KDM2B: variants seen among roughly 807,000 people sequenced by gnomAD.
KDM2B encodes the protein lysine demethylase 2B, also known as lysine-specific demethylase 2B.
In KDM2B, 26 loss-of-function variants were observed where a neutral mutation model predicts 150.0. That is an observed-to-expected ratio of 0.17 (90% CI 0.13 to 0.24). The LOEUF (loss-of-function observed/expected upper bound fraction) is 0.24. Ranked by LOEUF, KDM2B falls within the 10% of genes least tolerant of loss-of-function variation. KDM2B has a pLI of 1.00. For missense variants in KDM2B, 1,265 were observed against 1,816.9 expected (o/e 0.70, Z 5.52); for synonymous variants, 734 against 729.5 (o/e 1.01, Z -0.10).
At chr12:121,415,447 C>G in the KDM2B span, 3 of 188,354 alleles carry the variant, frequency 1.6e-5, no homozygotes, top group South Asian at 9.0e-5. Context: ...ATGGTGAAAC[C>G]CAATCTCTAC....
intron 10 of KDM2B, among the ~76,000 whole-genome samples, chr12:121,511,567 T>C (rs920199156): frequency 5.3e-5 from 8 of 152,154 alleles, no homozygotes; most frequent in Non-Finnish European, 1.2e-4. Flanking sequence ...ATTACAGGCG[T>C]GAGCCATCGC....
intron 6 of KDM2B, among the ~76,000 whole-genome samples, 172 bp downstream of exon 6, chr12:121,548,705 C>T (rs1276440250): frequency 1.3e-5 from 2 of 152,194 alleles, no homozygotes; most frequent in African/African-American, 2.4e-5. Context: ...CGAAGGACCC[C>T]GTCCCTCCTG....
intron 6 of KDM2B, among the ~76,000 whole-genome samples, chr12:121,544,614 C>T (rs535898081): frequency 6.8e-6 from 1 of 146,814 alleles, no homozygotes; most frequent in Admixed American, 6.8e-5. Context: ...CGTCCCCCCC[C>T]AAAAAAAGAA....
chr12:121,451,386 A>AG (rs1336347265), intron 13 of KDM2B, among the ~76,000 whole-genome samples: 63 of 152,338 alleles, frequency 4.1e-4, no homozygotes, highest in African/African-American at 1.5e-3. Flanking sequence ...GGTCAACAAT[A>AG]GGGCTAACAG....
At chr12:121,532,419 T>C (rs1208705675) in intron 8 of KDM2B, among the ~76,000 whole-genome samples, 3 of 152,078 alleles carry the variant, frequency 2.0e-5, no homozygotes, top group African/African-American at 7.2e-5. Flanking sequence ...CACGAAGAAG[T>C]GAAGTCACAG....
intron 11 of KDM2B, among the ~76,000 whole-genome samples, chr12:121,505,658 C>T (rs891389058): frequency 1.3e-5 from 2 of 152,142 alleles, no homozygotes; most frequent in Non-Finnish European, 2.9e-5. Flanking sequence ...CACCAGGGCA[C>T]TAGTTACCCT....
At chr12:121,490,089 CTG>C (rs1883192278) in intron 12 of KDM2B, among the ~76,000 whole-genome samples, 1 of 152,210 alleles carries the variant, frequency 6.6e-6, no homozygotes, top group Admixed American at 6.5e-5. Flanking sequence ...CAGGGAAAGG[CTG>C]TGTGTCACTC....
chr12:121,532,735 C>T (rs1887770379), intron 8 of KDM2B, 71 bp downstream of exon 8: 1 of 1,539,010 alleles, frequency 6.5e-7, no homozygotes, highest in African/African-American at 1.4e-5. Context: ...GAGCAACCCT[C>T]AGGGGGCCTA....
chr12:121,546,220 C>T (rs191874552), intron 6 of KDM2B, among the ~76,000 whole-genome samples: 22 of 152,248 alleles, frequency 1.4e-4, no homozygotes, highest in South Asian at 4.2e-4. Context: ...AAGACATAGG[C>T]GCTGAATGAA....
At chr12:121,565,272 C>A (rs1054610764) in intron 4 of KDM2B, among the ~76,000 whole-genome samples, 4 of 152,018 alleles carry the variant, frequency 2.6e-5, no homozygotes, top group Non-Finnish European at 5.9e-5. Context: ...AATGGAGTCA[C>A]CTCATTTATG....
At chr12:121,432,588 G>A (rs557293213) in intron 22 of KDM2B, among the ~76,000 whole-genome samples, 8 of 152,268 alleles carry the variant, frequency 5.3e-5, no homozygotes, top group Admixed American at 1.3e-4. Flanking sequence ...TCTTAAAGGT[G>A]TCATTTAGCT....
At chr12:121,443,617 TG>T in intron 17 of KDM2B, 62 bp downstream of exon 17, 3 of 922,706 alleles carry the variant, frequency 3.3e-6, no homozygotes, top group Non-Finnish European at 1.8e-6. Flanking sequence ...CGGGGTGGGG[TG>T]GGGGACAGCC....
chr12:121,487,189 G>A (rs902426909), intron 12 of KDM2B, among the ~76,000 whole-genome samples: 6 of 152,006 alleles, frequency 3.9e-5, no homozygotes, highest in South Asian at 2.1e-4. Flanking sequence ...AAGAAAGAAC[G>A]AAAGAACTGG....
In KDM2B at chr12:121,537,216, CGACAGG is replaced by C. The variant is rs1888202433; in HGVS notation, c.684-2632_684-2627del. On this transcript the variant is annotated intron_variant, in intron 6 of 22. Transcript: ENST00000377071. The surrounding 1 kb of genome is among the most constrained non-coding windows in gnomAD (Gnocchi z 8.7). ...GCGCGGCTTTGTCCGGCCCCTGCAG[CGACAGG>C]CCACCCCCGCTCCCGCCCCGCGCTG... The C allele has an allele frequency of 6.6e-6, 1 of 152,664 alleles. No individual in the cohort carries two copies. Among genetic ancestry groups the C allele is most frequent in the Non-Finnish European group, 1.5e-5 (1 of 68,418 alleles). The allele number at this position is 152,664 out of a possible 1,614,324, so 9.5% of individuals were successfully genotyped here.
the KDM2B span, among the ~76,000 whole-genome samples, chr12:121,409,233 G>C: frequency 2.6e-5 from 4 of 152,154 alleles, no homozygotes; most frequent in African/African-American, 4.8e-5. Flanking sequence ...GCTGGCCTCG[G>C]CCTCCCAAAC....
chr12:121,534,033 C>A (rs1555308273), intron 7 of KDM2B, among the ~76,000 whole-genome samples: 3 of 152,040 alleles, frequency 2.0e-5, no homozygotes, highest in Non-Finnish European at 4.4e-5. Flanking sequence ...GAGCAAGACC[C>A]TATCTCTTAA....
chr12:121,425,195 C>T (rs1160331037), downstream of KDM2B, among the ~76,000 whole-genome samples: 1 of 151,568 alleles, frequency 6.6e-6, no homozygotes, highest in Non-Finnish European at 1.5e-5. Context: ...GTAATCCCAA[C>T]TACTCAGGAG....
chr12:121,427,589 G>GAAGT (rs1872570884), downstream of KDM2B, among the ~76,000 whole-genome samples: 2 of 152,176 alleles, frequency 1.3e-5, no homozygotes, highest in African/African-American at 4.8e-5. Flanking sequence ...GATTTGTACT[G>GAAGT]AAGTACAATC....
At chr12:121,573,946 G>C (rs540564814) in intron 4 of KDM2B, among the ~76,000 whole-genome samples, 1 of 152,164 alleles carries the variant, frequency 6.6e-6, no homozygotes, top group Admixed American at 6.5e-5. Context: ...TTATCCATCT[G>C]TTTGCAACTC....
Sources: gnomAD v4.1 joint callset for allele counts (sites outside exome capture counted in the v4.1 genomes callset) on GRCh38, gnomAD v4.1.1 for gene constraint, Gnocchi (gnomAD v3.1) non-coding constraint, MANE v1.5 for transcripts, NCBI Gene and HGNC (gene_info 2026-07-23, HGNC 2026-07-21) for gene names.